The following AURKB variants were observed in gnomAD, a reference collection of about 807,000 sequenced individuals.
The protein encoded by AURKB is aurora kinase B-Sv1.
In AURKB, 28 loss-of-function variants were observed where a neutral mutation model predicts 36.5. That is an observed-to-expected ratio of 0.77 (90% CI 0.57 to 1.05). AURKB has a LOEUF of 1.05. Ranked by LOEUF, AURKB falls within the 50% of genes least tolerant of loss-of-function variation. AURKB has a pLI of 0.00. For synonymous variants in AURKB, 175 were observed against 172.9 expected (o/e 1.01, Z -0.09); for missense variants, 383 against 447.4 (o/e 0.86, Z 1.30).
chr17:8,207,227 TC>T lies in AURKB; in HGVS notation c.346del (p.Glu116ArgfsTer37). Reference sequence around the variant, plus strand: ...TCTGCGCAGCTGATGCTCCACGCCCTCCTTCTCTATCTGGGACTTGAAGAGG... The same window carrying T: ...TCTGCGCAGCTGATGCTCCACGCCCTCTTCTCTATCTGGGACTTGAAGAGG... ...KVLFKSQIEK[E>X]GVEHQLRREI... On this transcript the variant is annotated frameshift_variant, in exon 5 of 9. Coordinates refer to ENST00000585124, the MANE Select transcript of AURKB (RefSeq NM_004217.4). LOFTEE classifies it high-confidence loss of function. 2 of 1,614,194 alleles carry T rather than the reference TC, an allele frequency of 1.2e-6. No individual in the cohort carries two copies. Among genetic ancestry groups the T allele is most frequent in the Non-Finnish European group, 1.7e-6 (2 of 1,180,022 alleles).
rs367559367 is a variant in AURKB, at chr17:8,206,493, C to T, written c.684G>A (p.Leu228=). The T allele has an allele frequency of 7.2e-5, 116 of 1,614,148 alleles. No homozygotes were observed. The highest frequency in any genetic ancestry group is 5.4e-4 in the South Asian group (49 of 91,082). ...DFGWSVHAPS[L]RRKTMCGTLD... is the part of the protein sequence containing the mutation. Reference sequence around the variant, plus strand: ...TCTGGCCTCCCAGGCCACCATACCTCAGGGAGGGCGCATGCACAGACCAGC... The same window carrying T: ...TCTGGCCTCCCAGGCCACCATACCTTAGGGAGGGCGCATGCACAGACCAGC... Residue 228 remains leucine (L), a splice_region_variant and synonymous_variant, in exon 7 of 9, where the codon CTG becomes CTA. Coordinates refer to ENST00000585124, the MANE Select transcript of AURKB (RefSeq NM_004217.4). The surrounding 1 kb of genome is among the most constrained non-coding windows in gnomAD (Gnocchi z 4.2).
intron 5 of AURKB, 78 bp downstream of exon 5, chr17:8,207,097 TC>T: frequency 1.3e-6 from 2 of 1,521,096 alleles, no homozygotes; most frequent in Non-Finnish European, 1.8e-6. Context: ...GAGAAAGCAA[TC>T]TGGATGAAGT....
At chr17:8,208,935 C>T (rs3027257) in intron 2 of AURKB, among the ~76,000 whole-genome samples, 8,439 of 152,022 alleles carry the variant, frequency 0.056, 555 homozygotes, top group East Asian at 0.24. Context: ...TAGCAATAAC[C>T]AGGATTTACA....
rs1207114266 is a variant in AURKB at position 8,210,169 on chromosome 17, G to C, written c.48+8C>G. The C allele has an allele frequency of 6.2e-7, 1 of 1,612,900 alleles. No individual in the cohort carries two copies. ...ATGGGGGCGCAGGGACGGAGGGAAG[G>C]GCCTTACCGTCTGTCGGCCGTAGGG... is the stretch of plus-strand genomic sequence containing the variant. On this transcript the variant is annotated splice_region_variant and intron_variant, in intron 2 of 8. Coordinates refer to ENST00000585124, the MANE Select transcript of AURKB (RefSeq NM_004217.4).
In AURKB at chr17:8,210,411, A is replaced by G. The variant is rs1023322410; in HGVS notation, c.-26+119T>C. ...CTGGTCTCACCGCCCCCGCCCTGCT[A>G]TCGTCCCTACCTCCTTCCAGCCCTG... On this transcript the variant is annotated intron_variant, in intron 1 of 8. Transcript: ENST00000585124. 1.7e-5 allele frequency: 11 copies of G among 630,192 alleles called. No homozygotes were observed. In the South Asian group the frequency reaches 1.8e-4, roughly 10 times the overall value. 39.0% of individuals were successfully genotyped at this position (630,192 alleles called of 1,614,324 possible). A position where few individuals can be genotyped will look rare whatever the true frequency, so the allele number is the denominator to read the frequency against.
intron 2 of AURKB, among the ~76,000 whole-genome samples, chr17:8,208,586 G>A (rs1207719182): frequency 2.7e-5 from 3 of 111,088 alleles, no homozygotes; most frequent in Non-Finnish European, 4.1e-5. Context: ...GTGAGGCTCC[G>A]TCTCAAAAAA....
intron 2 of AURKB, among the ~76,000 whole-genome samples, chr17:8,208,593 AAAATAAATAAATAAATAAAT>A (rs60763099): frequency 2.1e-5 from 3 of 141,284 alleles, no homozygotes; most frequent in Non-Finnish European, 4.6e-5. Flanking sequence ...TCCGTCTCAA[AAAATAAATAAATAAATAAAT>A]AAATAAATAA....
Position 8,207,623 on chromosome 17 carries a change from C to A in AURKB, c.154G>T (p.Ala52Ser). The stretch of plus-strand genomic sequence containing the variant: ...TTCTCCATCACCTTCTGGCCAGGGG[C>A]AGCTAAGGAGAGAACAGGTAGGTTG... ...MSRSNVQPTA[A>S]PGQKVMENSS... Residue 52 changes from alanine to serine, a missense_variant and splice_region_variant, in exon 4 of 9, where the codon GCC becomes TCC. Around this residue, in one of 3 missense-constraint regions of AURKB, gnomAD observed 105 missense variants for 95.7 expected, o/e 1.10. Coordinates refer to ENST00000585124, the MANE Select transcript of AURKB (RefSeq NM_004217.4). 1 of 1,613,962 alleles carries A rather than the reference C, an allele frequency of 6.2e-7. No homozygotes were observed. The highest frequency in any genetic ancestry group is 1.1e-5 in the South Asian group (1 of 91,072).
In AURKB at chr17:8,205,391, C is replaced by T. The variant is rs1985108798; in HGVS notation, c.687-1G>A. On this transcript the variant is annotated splice_acceptor_variant, in intron 7 of 8. Transcript: ENST00000585124. LOFTEE classifies it high-confidence loss of function. ...CAGGGTGCCACACATTGTCTTCCTCCTGGGAGGGATAAGGGGCGTGGGCAG... is the reference window on the plus strand; with the variant it reads ...CAGGGTGCCACACATTGTCTTCCTCTTGGGAGGGATAAGGGGCGTGGGCAG... 2 of 1,613,872 alleles carry T rather than the reference C, an allele frequency of 1.2e-6. No homozygotes were observed. Among genetic ancestry groups the T allele is most frequent in the Non-Finnish European group, 1.7e-6 (2 of 1,179,844 alleles).
Position 8,207,694 on chromosome 17 carries a change from C to G in AURKB, c.151+44G>C, listed in dbSNP as rs576868305. ...TCTCATCCCTAAACCCTCCCACAGA[C>G]GGTCATCTCCCCAGCTCAGTCCTCT... is the stretch of plus-strand genomic sequence containing the variant. On this transcript the variant is annotated intron_variant, in intron 3 of 8. Transcript: ENST00000585124. 10 of 1,613,446 alleles carry G rather than the reference C, an allele frequency of 6.2e-6. No homozygotes were observed. The South Asian group carries it at 1.1e-4, about 18-fold the overall frequency.
intron 5 of AURKB, 95 bp downstream of exon 5, chr17:8,207,081 G>T: frequency 6.7e-7 from 1 of 1,484,306 alleles, no homozygotes; most frequent in Non-Finnish European, 9.1e-7. Context: ...ACTAGCCATA[G>T]CTACAGAGAA....
intron 1 of AURKB, 43 bp downstream of exon 1, chr17:8,210,487 T>C: frequency 2.0e-6 from 1 of 510,846 alleles, no homozygotes; most frequent in South Asian, 2.6e-5. Flanking sequence ...CCTGATCATC[T>C]GCCCACTCCC....
rs1451124732 is a variant in AURKB at position 8,206,658 on chromosome 17, G to A, written c.538-19C>T. ...CCATGATCTGGGAGGGGCAACGACA[G>A]GCAATCAGACAAGGATGGACCTCCA... On this transcript the variant is annotated intron_variant, in intron 6 of 8. Coordinates refer to ENST00000585124, the MANE Select transcript of AURKB (RefSeq NM_004217.4). This position sits in a 1 kb window ranked among gnomAD's most constrained non-coding sequence, Gnocchi z 4.2. 2 of 1,614,062 alleles carry A rather than the reference G, an allele frequency of 1.2e-6. No individual in the cohort carries two copies. The highest frequency in any genetic ancestry group is 1.7e-6 in the Non-Finnish European group (2 of 1,180,020).
In AURKB at chr17:8,205,026, C is replaced by T. The variant is rs151173438; in HGVS notation, c.880G>A (p.Ala294Thr). 626 of 1,585,932 alleles carry T rather than the reference C, an allele frequency of 3.9e-4. 3 individuals are homozygous for T. In the African/African-American group the frequency reaches 6.2e-3, roughly 16 times the overall value. ...TCCTGGGCTCCCATGGGCACGGAAG[C>T]GGGGAACTTTAGGTCCACCTGCAGG... The part of the protein sequence containing the change: ...RIVKVDLKFP[A>T]SVPMGAQDLI... The change falls in exon 9 of 9, where the codon GCT becomes ACT. Residue 294 changes from alanine (A) to threonine (T), a missense_variant. Transcript: ENST00000585124.
At chr17:8,207,934 G>T in intron 2 of AURKB, 94 bp from the exon 3 acceptor site, 1 of 995,650 alleles carries the variant, frequency 1.0e-6, no homozygotes, top group Non-Finnish European at 1.5e-6. Flanking sequence ...TTGCTAAAGA[G>T]CCACCCACCC....
Position 8,206,355 on chromosome 17 carries a change from T to A in AURKB, c.686+136A>T. On this transcript the variant is annotated intron_variant, in intron 7 of 8. Coordinates refer to ENST00000585124, the MANE Select transcript of AURKB (RefSeq NM_004217.4). This position sits in a 1 kb window ranked among gnomAD's most constrained non-coding sequence, Gnocchi z 4.2. ...CATGTTGGCAAATCTAGTCTCGAAC[T>A]CCTGACCTCAGGTGATCCGCCCTCC... is the stretch of plus-strand genomic sequence containing the variant. 9.4e-7 allele frequency: 1 copy of A among 1,068,234 alleles called. No individual in the cohort carries two copies. The highest frequency in any genetic ancestry group is 1.3e-6 in the Non-Finnish European group (1 of 756,876). The allele number at this position is 1,068,234 out of a possible 1,614,324, so 66.2% of individuals were successfully genotyped here. A position where few individuals can be genotyped will look rare whatever the true frequency, so the allele number is the denominator to read the frequency against.
intron 4 of AURKB, 64 bp from the exon 5 acceptor site, chr17:8,207,431 C>T: frequency 6.3e-7 from 1 of 1,575,908 alleles, no homozygotes; most frequent in South Asian, 1.1e-5. Flanking sequence ...TTTGCTTTCT[C>T]TCTGCTTCCT....
At position 8,205,343 on chromosome 17, in the gene AURKB, A is replaced by G; in HGVS notation, c.734T>C (p.Ile245Thr). ...GTLDYLPPEM[I>T]EGRMHNEKVD... is the part of the protein sequence containing the mutation. Reference sequence around the variant, plus strand: ...CTTCTCATTGTGCATGCGCCCCTCAATCATCTCTGGGGGCAGGTAGTCCAG... The same window carrying G: ...CTTCTCATTGTGCATGCGCCCCTCAGTCATCTCTGGGGGCAGGTAGTCCAG... Residue 245 changes from isoleucine (I) to threonine (T), a missense_variant, in exon 8 of 9, where the codon ATT (isoleucine) becomes ACT (threonine). Physicochemically the swap from Ile to Thr is moderately conservative, Grantham distance 89. Transcript: ENST00000585124. 2 of 1,614,110 alleles carry G rather than the reference A, an allele frequency of 1.2e-6. No individual in the cohort carries two copies. The highest frequency in any genetic ancestry group is 1.7e-6 in the Non-Finnish European group (2 of 1,180,018).
chr17:8,205,285 A>T lies in AURKB; in HGVS notation c.792T>A (p.Tyr264Ter). The T allele has an allele frequency of 1.9e-6, 3 of 1,614,124 alleles. No homozygotes were observed. Among genetic ancestry groups the T allele is most frequent in the Non-Finnish European group, 2.5e-6 (3 of 1,179,984 alleles). The change falls in exon 8 of 9, where the codon TAT (tyrosine) becomes TAA (stop). Residue 264 changes from tyrosine (Y) to a stop codon, truncating the protein, a stop_gained. Coordinates refer to ENST00000585124, the MANE Select transcript of AURKB (RefSeq NM_004217.4). LOFTEE classifies it high-confidence loss of function. ...AGGGTGGGTTCCCCACCAGCAGCTC[A>T]TAGCAAAGCACTCCAATGCACCACA... ...VDLWCIGVLC[Y>*]ELLVGNPPFE...
Sources: allele counts gnomAD v4.1 joint callset (sites outside exome capture counted in the v4.1 genomes callset), GRCh38; gene constraint gnomAD v4.1.1; regional missense constraint gnomAD v4.1.1; non-coding constraint Gnocchi (gnomAD v3.1); transcripts MANE v1.5; gene names NCBI Gene and HGNC (gene_info 2026-07-23, HGNC 2026-07-21).